The following CTCF variants were observed in gnomAD, a reference collection of about 807,000 sequenced individuals.
CTCF encodes transcriptional repressor CTCF.
A neutral mutation model predicts 72.3 loss-of-function variants in CTCF; 7 were observed. The observed-to-expected ratio is 0.10, with a 90% CI of 0.06 to 0.18. CTCF has a LOEUF of 0.18. Among genes scored for constraint, CTCF ranks in the 10% least tolerant of loss-of-function variants. The probability of loss-of-function intolerance (pLI) is 1.00; values close to 1 mark genes in which losing one functional copy is unlikely to be tolerated. For missense variants in CTCF, 516 were observed against 949.1 expected, an observed-to-expected ratio of 0.54 and a Z score of 6.00; for synonymous variants, 374 against 315.8, an observed-to-expected ratio of 1.18 and a Z score of -1.95.
chr16:67,566,876 G>GGTTT (rs199938359), intron 1 of CTCF, among the ~76,000 whole-genome samples: 78 of 150,394 alleles, frequency 5.2e-4, no homozygotes, highest in African/African-American at 1.8e-3. Context: ...CGGCCTGTGG[G>GGTTT]GTTTGTTTGT....
chr16:67,612,163 A>G (rs2052069928), intron 4 of CTCF, 42 bp downstream of exon 4: 1 of 1,565,512 alleles, frequency 6.4e-7, no homozygotes, highest in East Asian at 2.3e-5. Flanking sequence ...GCAAATGCTC[A>G]GACTTCGCTT....
chr16:67,635,087 T>C (rs1017368557), intron 10 of CTCF, among the ~76,000 whole-genome samples: 3 of 151,720 alleles, frequency 2.0e-5, no homozygotes, highest in Non-Finnish European at 4.4e-5. Context: ...AGTGGCGCAA[T>C]CTTGGCTCAC....
chr16:67,609,193 C>T (rs1479354767), intron 2 of CTCF, among the ~76,000 whole-genome samples: 1 of 152,140 alleles, frequency 6.6e-6, no homozygotes, highest in African/African-American at 2.4e-5. Flanking sequence ...TGGCAAGACC[C>T]CATAATTGCA....
intron 3 of CTCF, 141 bp downstream of exon 3, chr16:67,611,754 A>G (rs2052065638): frequency 2.9e-6 from 3 of 1,029,780 alleles, no homozygotes; most frequent in Non-Finnish European, 4.2e-6. Context: ...CCAGTCTAAA[A>G]TAAGTTTTTT....
At chr16:67,565,248 C>T (rs915334365) in intron 1 of CTCF, among the ~76,000 whole-genome samples, 3 of 152,102 alleles carry the variant, frequency 2.0e-5, no homozygotes, top group African/African-American at 7.2e-5. Flanking sequence ...GTGATCCACC[C>T]GCCTCAGCCT....
At chr16:67,574,467 G>A (rs2051467946) in intron 2 of CTCF, among the ~76,000 whole-genome samples, 2 of 151,058 alleles carry the variant, frequency 1.3e-5, no homozygotes, top group Admixed American at 6.6e-5. Flanking sequence ...TCAGTCTCCC[G>A]AGTAGCTGGG....
At position 67,620,829 on chromosome 16, in the gene CTCF, C is replaced by T. The variant is rs2052190760; in HGVS notation, c.1207+12C>T. ...GAGAACCCATTCAGGTAGGACTTCT[C>T]CACTCCTTACTGTATTAATGAGCTT... On this transcript the variant is annotated intron_variant, in intron 6 of 11. Transcript: ENST00000264010. 7.6e-6 allele frequency: 12 copies of T among 1,571,216 alleles called. No homozygotes were observed. The highest frequency in any genetic ancestry group is 1.0e-5 in the Non-Finnish European group (12 of 1,149,024).
intron 4 of CTCF, among the ~76,000 whole-genome samples, chr16:67,612,648 A>G (rs1195128353): frequency 6.6e-6 from 1 of 151,598 alleles, no homozygotes; most frequent in South Asian, 2.1e-4. Flanking sequence ...AAAAAAAAAA[A>G]GTGGCCGGGT....
intron 2 of CTCF, among the ~76,000 whole-genome samples, chr16:67,575,101 T>C (rs1020560386): frequency 2.6e-5 from 4 of 152,216 alleles, no homozygotes; most frequent in Admixed American, 2.0e-4. Context: ...ACATTTTCTT[T>C]AGTCACGCGT....
At chr16:67,578,150 T>C (rs1244632336) in intron 2 of CTCF, among the ~76,000 whole-genome samples, 1 of 152,112 alleles carries the variant, frequency 6.6e-6, no homozygotes, top group East Asian at 1.9e-4. Context: ...CCACATTTAA[T>C]GTAAGAACAT....
At chr16:67,590,980 A>C (rs2051735695) in intron 2 of CTCF, among the ~76,000 whole-genome samples, 1 of 147,284 alleles carries the variant, frequency 6.8e-6, no homozygotes, top group Admixed American at 6.9e-5. Flanking sequence ...AAAAAAAAAA[A>C]AAATGCTGGA....
chr16:67,626,321 C>T (rs1394737865), intron 7 of CTCF, among the ~76,000 whole-genome samples: 2 of 151,668 alleles, frequency 1.3e-5, no homozygotes, highest in African/African-American at 2.4e-5. Flanking sequence ...GGCATGGTGG[C>T]GGGCGCCTGT....
At position 67,634,692 on chromosome 16, in the gene CTCF, CT is replaced by C. The variant is rs869223780; in HGVS notation, c.1838-1985del. Reference sequence around the variant, plus strand: ...ACCACCGTGTCCTGCTAATTTCTTCCTTTTTTTTTTTTTCTTATTTTTTTTC... The same window carrying C: ...ACCACCGTGTCCTGCTAATTTCTTCCTTTTTTTTTTTTCTTATTTTTTTTC... On this transcript the variant is annotated intron_variant, in intron 10 of 11. Transcript: ENST00000264010. Among the ~76,000 whole-genome samples, 210 of 143,020 alleles carry C rather than the reference CT, an allele frequency of 1.5e-3. 1 individual carries two copies. The Middle Eastern group carries it at 0.015, about 10-fold the overall frequency. 93.8% of individuals were successfully genotyped at this position (143,020 alleles called of 152,430 possible).
intron 2 of CTCF, among the ~76,000 whole-genome samples, chr16:67,599,962 C>T (rs944838454): frequency 5.3e-5 from 8 of 152,118 alleles, no homozygotes; most frequent in Admixed American, 1.3e-4. Flanking sequence ...GTGTAATGGG[C>T]GGCTACGGAG....
At chr16:67,585,262 C>T (rs573743467) in intron 2 of CTCF, among the ~76,000 whole-genome samples, 107 of 152,296 alleles carry the variant, frequency 7.0e-4, no homozygotes, top group Non-Finnish European at 1.2e-3. Flanking sequence ...GTTGGTCAGG[C>T]TCGTCTCAAA....
At chr16:67,624,047 CAAA>C (rs560002527) in intron 7 of CTCF, among the ~76,000 whole-genome samples, 3 of 77,808 alleles carry the variant, frequency 3.9e-5, no homozygotes, top group Admixed American at 1.5e-4. Context: ...GACACTGTCT[CAAA>C]AAAAAAAAAA....
chr16:67,628,200 A>G (rs1194885303), intron 8 of CTCF, among the ~76,000 whole-genome samples, 170 bp from the exon 9 acceptor site: 2 of 152,218 alleles, frequency 1.3e-5, no homozygotes, highest in South Asian at 2.1e-4. Flanking sequence ...AGACTTTGCA[A>G]CAGAGCAAGA....
chr16:67,564,371 A>G (rs9940960), intron 1 of CTCF, among the ~76,000 whole-genome samples: 6,410 of 152,312 alleles, frequency 0.042, 452 homozygotes, highest in African/African-American at 0.14. Flanking sequence ...TGAAGAAATT[A>G]AACAGCCTGG....
At position 67,584,389 on chromosome 16, in the gene CTCF, G is replaced by A. The variant is rs1185720815; in HGVS notation, c.-10+13125G>A. On this transcript the variant is annotated intron_variant, in intron 2 of 11. Coordinates refer to ENST00000264010, the MANE Select transcript of CTCF (RefSeq NM_006565.4). ...GGAGTCTCGCTCTGTCACCCAGGCT[G>A]GAGTGCAGTGGCACGATCTCGGCTC... Among the ~76,000 whole-genome samples, 6 of 137,444 alleles carry A rather than the reference G, an allele frequency of 4.4e-5. No homozygotes were observed. In the East Asian group the frequency reaches 1.3e-3, roughly 30 times the overall value. 90.2% of individuals were successfully genotyped at this position (137,444 alleles called of 152,430 possible). A position where few individuals can be genotyped will look rare whatever the true frequency, so the allele number is the denominator to read the frequency against.
Sources: gnomAD v4.1 joint callset for allele counts (sites outside exome capture counted in the v4.1 genomes callset) on GRCh38, gnomAD v4.1.1 for gene constraint, MANE v1.5 for transcripts, NCBI Gene and HGNC (gene_info 2026-07-23, HGNC 2026-07-21) for gene names.